Variants in RNLS observed in about 807,000 individuals in gnomAD.
RNLS encodes the protein renalase, FAD dependent amine oxidase, also known as renalase.
RNLS carries 39 observed loss-of-function variants against 39.8 expected under a neutral mutation model. That is an observed-to-expected ratio of 0.98 (90% confidence interval 0.76 to 1.28). The LOEUF (loss-of-function observed/expected upper bound fraction) is 1.28. Among genes scored for constraint, RNLS ranks in the 50% most tolerant of loss-of-function variants. The pLI is 0.00. For synonymous variants in RNLS, 147 were observed against 150.7 expected (o/e 0.98, Z 0.18); for missense variants, 410 against 413.3 (o/e 0.99, Z 0.07).
intron 4 of RNLS, among the ~76,000 whole-genome samples, chr10:88,460,119 T>C (rs1842866337): frequency 6.6e-6 from 1 of 152,130 alleles, no homozygotes; most frequent in Admixed American, 6.5e-5. Context: ...CAGGAGAAAC[T>C]AAGGCTCAGG....
intron 4 of RNLS, among the ~76,000 whole-genome samples, chr10:88,481,369 G>GT (rs1170948461): frequency 2.6e-5 from 4 of 151,806 alleles, no homozygotes; most frequent in African/African-American, 4.8e-5. Flanking sequence ...AGCCTCTTGT[G>GT]TTTTTTTGTT....
At chr10:88,273,659 C>T (rs1046260536), downstream of RNLS, among the ~76,000 whole-genome samples, 1 of 152,140 alleles carries the variant, frequency 6.6e-6, no homozygotes, top group African/African-American at 2.4e-5. Flanking sequence ...AATAAACCAT[C>T]GTCTGCATCC....
At chr10:88,380,507 C>G (rs898640994) in intron 4 of RNLS, among the ~76,000 whole-genome samples, 10 of 150,714 alleles carry the variant, frequency 6.6e-5, no homozygotes, top group Admixed American at 6.6e-4. Context: ...TCCCAAATAG[C>G]TGGGACCACA....
intron 6 of RNLS, among the ~76,000 whole-genome samples, chr10:88,305,995 A>G (rs577209242): frequency 6.6e-6 from 1 of 152,366 alleles, no homozygotes; most frequent in Non-Finnish European, 1.5e-5. Context: ...ACCACAGCAC[A>G]ATCAAATTAG....
chr10:88,521,300 A>C (rs1037289012), intron 4 of RNLS, among the ~76,000 whole-genome samples: 2 of 152,038 alleles, frequency 1.3e-5, no homozygotes, highest in Non-Finnish European at 2.9e-5. Context: ...AATTGATTGG[A>C]TGATTGGAGC....
the RNLS span, among the ~76,000 whole-genome samples, chr10:88,200,084 G>A: frequency 6.6e-6 from 1 of 152,154 alleles, no homozygotes; most frequent in African/African-American, 2.4e-5. Context: ...AGACATGATT[G>A]CACTACTGCA....
intron 4 of RNLS, among the ~76,000 whole-genome samples, chr10:88,472,909 T>C (rs539428391): frequency 2.6e-5 from 4 of 152,332 alleles, no homozygotes; most frequent in Admixed American, 1.3e-4. Flanking sequence ...AAATCGTCTA[T>C]GTTGGGAATT....
Position 88,362,699 on chromosome 10 carries a change from GTTGCTGCCT to G in RNLS, c.544_552del (p.Arg182_Gln184del). 6.2e-7 allele frequency: 1 copy of G among 1,613,584 alleles called. No homozygotes were observed. Among genetic ancestry groups the G allele is most frequent in the Non-Finnish European group, 8.5e-7 (1 of 1,179,810 alleles). ...CGAGAGGAGTAGCTCACAGCCTCCA[GTTGCTGCCT>G]TTGGCATTCACTAATTACTGTGGAA... On this transcript the variant is annotated inframe_deletion, in exon 5 of 7. Transcript: ENST00000331772.
chr10:88,343,975 G>A (rs2133237488), intron 5 of RNLS, among the ~76,000 whole-genome samples: 1 of 152,208 alleles, frequency 6.6e-6, no homozygotes, highest in African/African-American at 2.4e-5. Flanking sequence ...CCACTAAAAT[G>A]CTCCACTTTC....
intron 4 of RNLS, among the ~76,000 whole-genome samples, chr10:88,397,220 T>C (rs576174103): frequency 3.9e-5 from 6 of 152,022 alleles, no homozygotes; most frequent in African/African-American, 1.2e-4. Flanking sequence ...TGTTAGGCCA[T>C]AAAAAGAAGT....
At chr10:88,223,805 A>G in the RNLS span, among the ~76,000 whole-genome samples, 1 of 152,184 alleles carries the variant, frequency 6.6e-6, no homozygotes, top group Non-Finnish European at 1.5e-5. Flanking sequence ...AACCTAGGTT[A>G]TCATGTTTGC....
chr10:88,575,126 A>G (rs1028986287), intron 3 of RNLS, among the ~76,000 whole-genome samples: 2 of 55,164 alleles, frequency 3.6e-5, no homozygotes, highest in South Asian at 8.2e-4. Context: ...TCTGCAAAGT[A>G]TATATATATA....
intron 4 of RNLS, among the ~76,000 whole-genome samples, chr10:88,441,651 C>A (rs186250557): frequency 6.6e-6 from 1 of 152,138 alleles, no homozygotes; most frequent in East Asian, 1.9e-4. Context: ...GCAGGCATAG[C>A]AGTGAGGGCT....
At chr10:88,384,407 G>A (rs972205037) in intron 4 of RNLS, among the ~76,000 whole-genome samples, 7 of 152,266 alleles carry the variant, frequency 4.6e-5, no homozygotes, top group African/African-American at 1.7e-4. Flanking sequence ...TTTTACACAT[G>A]AAAAAACTTA....
the RNLS span, among the ~76,000 whole-genome samples, chr10:88,240,413 TAA>T: frequency 0.13 from 19,875 of 150,170 alleles, 1,684 homozygotes; most frequent in African/African-American, 0.23. Context: ...GTCCTTTTTT[TAA>T]AAAAAAAAAA....
At chr10:88,352,520 T>C in intron 5 of RNLS, among the ~76,000 whole-genome samples, 1 of 152,256 alleles carries the variant, frequency 6.6e-6, no homozygotes, top group Non-Finnish European at 1.5e-5. Context: ...TTGCATATGT[T>C]GAACCAGCCT....
At chr10:88,508,084 T>A (rs923322407) in intron 4 of RNLS, among the ~76,000 whole-genome samples, 1 of 152,150 alleles carries the variant, frequency 6.6e-6, no homozygotes, top group African/African-American at 2.4e-5. Context: ...GTTGAAAGCT[T>A]TTATTAGTAA....
chr10:88,484,111 C>T (rs1017960591), intron 4 of RNLS, among the ~76,000 whole-genome samples: 1 of 151,800 alleles, frequency 6.6e-6, no homozygotes, highest in African/African-American at 2.4e-5. Flanking sequence ...AGATGAAATC[C>T]GAAAACAAAT....
the RNLS span, among the ~76,000 whole-genome samples, chr10:88,244,027 C>T: frequency 2.6e-5 from 4 of 152,180 alleles, no homozygotes; most frequent in Non-Finnish European, 5.9e-5. Context: ...TAGATTTCCC[C>T]AGCATTTGCG....
Sources: allele counts gnomAD v4.1 joint callset (sites outside exome capture counted in the v4.1 genomes callset), GRCh38; gene constraint gnomAD v4.1.1; transcripts MANE v1.5; gene names NCBI Gene and HGNC (gene_info 2026-07-23, HGNC 2026-07-21).